MAPKAP1: variants seen among roughly 807,000 people sequenced by gnomAD.
The protein encoded by MAPKAP1 is target of rapamycin complex 2 subunit MAPKAP1.
Under a neutral mutation model 65.7 loss-of-function variants are expected in MAPKAP1, and 20 were observed. The observed-to-expected ratio is 0.30, with a 90% CI of 0.21 to 0.44. The LOEUF is 0.44. Among genes scored for constraint, MAPKAP1 ranks in the 20% least tolerant of loss-of-function variants. MAPKAP1 has a pLI of 1.00. For missense variants in MAPKAP1, 423 were observed against 648.0 expected (o/e 0.65, Z 3.77); for synonymous variants, 222 against 244.3 (o/e 0.91, Z 0.85).
chr9:125,462,723 C>A (rs757671961), intron 10 of MAPKAP1, among the ~76,000 whole-genome samples: 23 of 152,274 alleles, frequency 1.5e-4, no homozygotes, highest in Admixed American at 9.8e-4. Context: ...TTAATGAACC[C>A]ATTAAAAACA....
intron 4 of MAPKAP1, among the ~76,000 whole-genome samples, chr9:125,607,282 A>C (rs372891421): frequency 6.6e-6 from 1 of 152,220 alleles, no homozygotes; most frequent in African/African-American, 2.4e-5. Flanking sequence ...GAATTCTCAA[A>C]AATAAAATGA....
At chr9:125,482,286 G>A (rs1854350243) in intron 9 of MAPKAP1, among the ~76,000 whole-genome samples, 1 of 152,030 alleles carries the variant, frequency 6.6e-6, no homozygotes. Flanking sequence ...CAGCTTCCCA[G>A]AAGCCCTTCT....
chr9:125,539,007 C>T (rs150925519), intron 7 of MAPKAP1, among the ~76,000 whole-genome samples: 17 of 152,136 alleles, frequency 1.1e-4, no homozygotes, highest in Non-Finnish European at 2.2e-4. Flanking sequence ...TAGTACTTGG[C>T]GGAATAATGT....
At chr9:125,532,464 A>G (rs1382210043) in intron 7 of MAPKAP1, among the ~76,000 whole-genome samples, 1 of 152,244 alleles carries the variant, frequency 6.6e-6, no homozygotes, top group African/African-American at 2.4e-5. Context: ...GATGAGGGGG[A>G]AAAAGGCATC....
chr9:125,470,241 C>A (rs1016226757), intron 9 of MAPKAP1, among the ~76,000 whole-genome samples: 2 of 152,142 alleles, frequency 1.3e-5, no homozygotes, highest in African/African-American at 4.8e-5. Flanking sequence ...ATGATAGTGA[C>A]ATGAATTAAA....
intron 7 of MAPKAP1, among the ~76,000 whole-genome samples, chr9:125,510,908 G>A (rs1829278448): frequency 1.3e-5 from 2 of 152,150 alleles, no homozygotes; most frequent in South Asian, 2.1e-4. Flanking sequence ...GGGTATATAC[G>A]AGAGGCAATA....
In MAPKAP1 at chr9:125,706,902, G is replaced by A. The variant is rs573845453; in HGVS notation, c.-70+69C>T. The A allele has an allele frequency of 1.8e-5, 7 of 385,464 alleles. No individual in the cohort carries two copies. In the South Asian group the frequency reaches 7.2e-4, roughly 40 times the overall value. 23.9% of individuals were successfully genotyped at this position (385,464 alleles called of 1,614,324 possible). On this transcript the variant is annotated intron_variant, in intron 1 of 11. Coordinates refer to ENST00000265960, the MANE Select transcript of MAPKAP1 (RefSeq NM_001006617.3). The stretch of plus-strand genomic sequence containing the variant: ...CAGCGCTGAAACTGGAGGGGTGAGA[G>A]GGCCGCCAGGTGGGCAAGCTGGTGG...
chr9:125,503,880 C>CTT (rs35867576), intron 8 of MAPKAP1, among the ~76,000 whole-genome samples: 2,919 of 65,720 alleles, frequency 0.044, 442 homozygotes, highest in East Asian at 0.082. Context: ...CCACGCTTGG[C>CTT]TTTTTTTTTT....
intron 7 of MAPKAP1, among the ~76,000 whole-genome samples, chr9:125,512,713 C>A (rs1829337738): frequency 6.6e-6 from 1 of 151,894 alleles, no homozygotes; most frequent in African/African-American, 2.4e-5. Context: ...TCCCAAGTAG[C>A]TGGGACTACA....
chr9:125,448,990 G>A (rs1419672198), intron 10 of MAPKAP1, among the ~76,000 whole-genome samples: 1 of 137,332 alleles, frequency 7.3e-6, no homozygotes, highest in African/African-American at 2.8e-5. Context: ...GGGTGACAGA[G>A]CGAGACTCTG....
At chr9:125,657,074 C>A (rs765734397) in intron 4 of MAPKAP1, among the ~76,000 whole-genome samples, 1 of 152,134 alleles carries the variant, frequency 6.6e-6, no homozygotes, top group Non-Finnish European at 1.5e-5. Context: ...CAGATCTCAA[C>A]AATTTCTACA....
At chr9:125,464,214 A>T (rs991700594) in intron 10 of MAPKAP1, among the ~76,000 whole-genome samples, 4 of 145,554 alleles carry the variant, frequency 2.7e-5, no homozygotes, top group East Asian at 1.9e-4. Flanking sequence ...TAAAAAAAAA[A>T]AAAAAAAAAA....
chr9:125,562,278 G>A (rs903352469), intron 5 of MAPKAP1, among the ~76,000 whole-genome samples: 1 of 152,210 alleles, frequency 6.6e-6, no homozygotes. Flanking sequence ...TCACTGCCAA[G>A]TGCTATTATT....
At chr9:125,532,369 C>A (rs1046880811) in intron 7 of MAPKAP1, among the ~76,000 whole-genome samples, 11 of 152,162 alleles carry the variant, frequency 7.2e-5, no homozygotes, top group African/African-American at 1.4e-4. Context: ...GTACTTTCTA[C>A]CTCTCTCCCA....
chr9:125,490,267 C>T (rs1452129705), intron 8 of MAPKAP1, among the ~76,000 whole-genome samples: 1 of 152,152 alleles, frequency 6.6e-6, no homozygotes, highest in Non-Finnish European at 1.5e-5. Flanking sequence ...TGGCTGGGCG[C>T]AGTAGCTCAC....
chr9:125,620,145 C>T (rs564537707), intron 4 of MAPKAP1, among the ~76,000 whole-genome samples: 1 of 152,308 alleles, frequency 6.6e-6, no homozygotes, highest in South Asian at 2.1e-4. Context: ...CTCGCCTCTA[C>T]TAAAAATGCA....
chr9:125,595,159 A>T lies in MAPKAP1; in HGVS notation c.499-9432T>A, dbSNP rs1218381571. Among the ~76,000 whole-genome samples the T allele has an allele frequency of 6.6e-6, 1 of 152,222 alleles. No homozygotes were observed. Among genetic ancestry groups the T allele is most frequent in the Admixed American group, 6.5e-5 (1 of 15,272 alleles). ...TAAACATTTTCCTATATAAATGTGA[A>T]AATATTTCTAGAAGTAGATTACTAA... On this transcript the variant is annotated intron_variant, in intron 4 of 11. Coordinates refer to ENST00000265960, the MANE Select transcript of MAPKAP1 (RefSeq NM_001006617.3). This position sits in a 1 kb window ranked among gnomAD's most constrained non-coding sequence, Gnocchi z 4.0.
intron 7 of MAPKAP1, among the ~76,000 whole-genome samples, chr9:125,507,002 T>C (rs1166146433): frequency 1.3e-5 from 2 of 152,120 alleles, no homozygotes; most frequent in Non-Finnish European, 2.9e-5. Context: ...GTGGAAAAAG[T>C]TTTTAAATTA....
intron 4 of MAPKAP1, chr9:125,596,669 G>A: frequency 3.4e-6 from 2 of 591,272 alleles, no homozygotes; most frequent in Non-Finnish European, 6.4e-6. Context: ...AGGAGAGCCA[G>A]AGAAGTGACA....
Sources: allele counts gnomAD v4.1 joint callset (sites outside exome capture counted in the v4.1 genomes callset), GRCh38; gene constraint gnomAD v4.1.1; non-coding constraint Gnocchi (gnomAD v3.1); transcripts MANE v1.5; gene names NCBI Gene and HGNC (gene_info 2026-07-23, HGNC 2026-07-21).